The following CCL26 variants were observed in gnomAD, a reference collection of about 807,000 sequenced individuals.
CCL26 encodes C-C motif chemokine 26.
A neutral mutation model predicts 10.7 loss-of-function variants in CCL26; 10 were observed. The observed-to-expected ratio is 0.93, with a 90% CI of 0.57 to 1.58. The LOEUF (loss-of-function observed/expected upper bound fraction) is 1.58. Among genes scored for constraint, CCL26 ranks in the 40% most tolerant of loss-of-function variants. The pLI, the probability that CCL26 is intolerant of heterozygous loss-of-function variation, is 0.00. For missense variants in CCL26, 116 were observed against 111.0 expected (o/e 1.05, Z -0.20); for synonymous variants, 43 against 41.4 (o/e 1.04, Z -0.15).
chr7:75,781,048 A>G (rs1263945755), intron 1 of CCL26, among the ~76,000 whole-genome samples: 1 of 152,206 alleles, frequency 6.6e-6, no homozygotes, highest in Non-Finnish European at 1.5e-5. Context: ...TTCATCAAAT[A>G]TGAAAAACCC....
upstream of CCL26, among the ~76,000 whole-genome samples, chr7:75,775,368 T>C (rs1454300197): frequency 3.3e-5 from 5 of 152,206 alleles, no homozygotes; most frequent in African/African-American, 1.2e-4. Context: ...AAGATCGTTG[T>C]TTTTATTTCA....
At chr7:75,782,625 C>T (rs1335471828) in intron 1 of CCL26, among the ~76,000 whole-genome samples, 1 of 152,152 alleles carries the variant, frequency 6.6e-6, no homozygotes, top group Non-Finnish European at 1.5e-5. Flanking sequence ...TTATTTTCTT[C>T]TGCAATACCG....
chr7:75,787,026 C>T (rs1803207080), intron 1 of CCL26, among the ~76,000 whole-genome samples: 1 of 152,136 alleles, frequency 6.6e-6, no homozygotes, highest in South Asian at 2.1e-4. Context: ...GGGGGATTTG[C>T]CCCCGCCCAG....
chr7:75,778,008 C>T lies in CCL26; in HGVS notation c.-78-5754G>A, dbSNP rs539002130. Reference sequence around the variant, plus strand: ...GTGCTGGGATTACAGGCATGAGGCACCAACCCCAGCCGACATATTTATTTC... The same window carrying T: ...GTGCTGGGATTACAGGCATGAGGCATCAACCCCAGCCGACATATTTATTTC... On this transcript the variant is annotated intron_variant, in intron 1 of 3. Transcript: ENST00000394905. Among the ~76,000 whole-genome samples, 33 of 152,064 alleles carry T rather than the reference C, an allele frequency of 2.2e-4. 1 individual carries two copies. In the South Asian group the frequency reaches 6.6e-3, roughly 31 times the overall value.
chr7:75,773,867 G>A (rs1554528433), upstream of CCL26, among the ~76,000 whole-genome samples: 1 of 151,848 alleles, frequency 6.6e-6, no homozygotes, highest in African/African-American at 2.4e-5. Context: ...TAAGAAAAAA[G>A]AGCAAAACTC....
chr7:75,789,406 TTC>T (rs145522312), intron 1 of CCL26, among the ~76,000 whole-genome samples: 32 of 150,106 alleles, frequency 2.1e-4, no homozygotes, highest in Non-Finnish European at 2.4e-4. Flanking sequence ...ATGAGAATAT[TTC>T]TCTCTCTCTC....
chr7:75,771,712 G>A (rs987696051), intron 2 of CCL26, among the ~76,000 whole-genome samples, 177 bp downstream of exon 2: 2 of 151,992 alleles, frequency 1.3e-5, no homozygotes, highest in Non-Finnish European at 2.9e-5. Flanking sequence ...AAGAAACTCC[G>A]TCTCAAAAAG....
upstream of CCL26, among the ~76,000 whole-genome samples, chr7:75,777,050 G>A (rs1802957961): frequency 6.6e-6 from 1 of 151,888 alleles, no homozygotes; most frequent in South Asian, 2.1e-4. Flanking sequence ...GGCCAACATA[G>A]TGAAACCCGG....
chr7:75,769,595 G>A lies in CCL26; in HGVS notation c.*98C>T, dbSNP rs1802777698. The A allele has an allele frequency of 2.9e-6, 2 of 684,478 alleles. No individual in the cohort carries two copies. Among genetic ancestry groups the A allele is most frequent in the Non-Finnish European group, 5.3e-6 (2 of 380,328 alleles). 42.4% of individuals were successfully genotyped at this position (684,478 alleles called of 1,614,324 possible). A position where few individuals can be genotyped will look rare whatever the true frequency, so the allele number is the denominator to read the frequency against. ...GAGGAAACACCCTCTCCTCCCCAGC[G>A]GGTCCATGTAGCCTTCAGAAAAGAT... On this transcript the variant is annotated 3_prime_UTR_variant, in exon 3 of 3. Coordinates refer to ENST00000005180, the MANE Select transcript of CCL26 (RefSeq NM_001371938.1).
chr7:75,772,422 C>T (rs11465330), upstream of CCL26, among the ~76,000 whole-genome samples: 1,018 of 152,106 alleles, frequency 6.7e-3, 10 homozygotes, highest in African/African-American at 0.023. Context: ...TCTGGGAGAC[C>T]GAGGTGGGCG....
intron 1 of CCL26, among the ~76,000 whole-genome samples, chr7:75,788,953 C>A (rs1803262421): frequency 6.6e-6 from 1 of 152,016 alleles, no homozygotes; most frequent in Non-Finnish European, 1.5e-5. Context: ...TAGGATCTCA[C>A]TCTGTCACCC....
chr7:75,790,771 C>T (rs892391224), upstream of CCL26, among the ~76,000 whole-genome samples: 61 of 151,898 alleles, frequency 4.0e-4, no homozygotes, highest in Admixed American at 2.6e-4. Flanking sequence ...TGGTGAAATC[C>T]CGTCTCTATT....
Position 75,778,848 on chromosome 7 carries a change from T to TG in CCL26, c.-78-6595dup, listed in dbSNP as rs1554529061. The stretch of plus-strand genomic sequence containing the variant: ...ATCCCAGCACTTTGGGAGGCCAAGG[T>TG]GGGGGGGGCAGATCACTAGGTCAGG... On this transcript the variant is annotated intron_variant, in intron 1 of 3. Transcript: ENST00000394905. Among the ~76,000 whole-genome samples, 922 of 149,250 alleles carry TG rather than the reference T, an allele frequency of 6.2e-3. 5 individuals are homozygous for TG. The highest frequency in any genetic ancestry group is 0.016 in the African/African-American group (651 of 39,652).
chr7:75,783,361 A>T (rs1388546408), intron 1 of CCL26, among the ~76,000 whole-genome samples: 2 of 152,166 alleles, frequency 1.3e-5, no homozygotes, highest in African/African-American at 4.8e-5. Context: ...ACCTCCAGGA[A>T]GTTATTAGAG....
chr7:75,775,013 A>C (rs919106337), upstream of CCL26, among the ~76,000 whole-genome samples: 1 of 152,064 alleles, frequency 6.6e-6, no homozygotes, highest in African/African-American at 2.4e-5. Flanking sequence ...TGAGGTCAGG[A>C]GTTCAAGATG....
upstream of CCL26, among the ~76,000 whole-genome samples, chr7:75,774,384 A>G (rs771545071): frequency 8.3e-4 from 126 of 152,162 alleles, 1 homozygote; most frequent in Non-Finnish European, 2.5e-4. Context: ...CCTGACCTCA[A>G]GTGATCCACC....
intron 1 of CCL26, among the ~76,000 whole-genome samples, chr7:75,789,096 A>ATTTTTTTTT (rs527793902): frequency 3.6e-5 from 4 of 110,892 alleles, no homozygotes; most frequent in African/African-American, 1.0e-4. Context: ...TCATTTTTTG[A>ATTTTTTTTT]TTTTTTTTTT....
intron 1 of CCL26, among the ~76,000 whole-genome samples, chr7:75,787,242 T>C (rs1308211397): frequency 6.6e-6 from 1 of 152,106 alleles, no homozygotes; most frequent in Non-Finnish European, 1.5e-5. Context: ...CCTTTATTAG[T>C]CAAATCACCC....
At chr7:75,790,992 T>C (rs1803317532), upstream of CCL26, among the ~76,000 whole-genome samples, 2 of 149,930 alleles carry the variant, frequency 1.3e-5, no homozygotes, top group South Asian at 4.2e-4. Flanking sequence ...TGTCTATAAA[T>C]GGCTTCTGCT....
Sources: allele counts gnomAD v4.1 joint callset (sites outside exome capture counted in the v4.1 genomes callset), GRCh38; gene constraint gnomAD v4.1.1; transcripts MANE v1.5; gene names NCBI Gene and HGNC (gene_info 2026-07-23, HGNC 2026-07-21).